The following TACC3 variants were observed in gnomAD, a reference collection of about 807,000 sequenced individuals.
The protein encoded by TACC3 is transforming acidic coiled-coil containing protein 3.
A neutral mutation model predicts 86.0 loss-of-function variants in TACC3; 52 were observed. That is an observed-to-expected ratio of 0.60 (90% CI 0.48 to 0.76). The LOEUF (loss-of-function observed/expected upper bound fraction) is 0.76, where lower values mean the gene tolerates loss of function less well. TACC3 is among the 30% of genes least tolerant of loss of function. The pLI, the probability that TACC3 is intolerant of heterozygous loss-of-function variation, is 0.00. For synonymous variants in TACC3, 512 were observed against 430.0 expected (o/e 1.19, Z -2.36); for missense variants, 1,120 against 1,070.4 (o/e 1.05, Z -0.65).
At chr4:1,732,697 A>G (rs1227691664) in intron 6 of TACC3, among the ~76,000 whole-genome samples, 4 of 152,216 alleles carry the variant, frequency 2.6e-5, no homozygotes, top group Admixed American at 2.0e-4. Flanking sequence ...ACCCTCACGC[A>G]GGATCCCTGG....
Position 1,740,890 on chromosome 4 carries a change from C to CCAA in TACC3, c.2129_2131dup (p.Gln710dup). 1 of 1,613,118 alleles carries CCAA rather than the reference C, an allele frequency of 6.2e-7. No homozygotes were observed. The highest frequency in any genetic ancestry group is 8.5e-7 in the Non-Finnish European group (1 of 1,179,756). On this transcript the variant is annotated inframe_insertion, in exon 13 of 16. Transcript: ENST00000313288. ...TCCAGAAAGTTCTAAAAGAAAAAGA[C>CCAA]CAACTTACCACAGATCTGAACTCCA...
intron 3 of TACC3, among the ~76,000 whole-genome samples, chr4:1,724,829 A>G (rs1026956718): frequency 2.0e-5 from 3 of 151,512 alleles, no homozygotes; most frequent in Admixed American, 6.6e-5. Flanking sequence ...TGGTGCCATC[A>G]CAGCTCACTG....
intron 3 of TACC3, 147 bp from the exon 4 acceptor site, chr4:1,727,560 TG>T (rs534867729): frequency 4.2e-5 from 53 of 1,276,704 alleles, no homozygotes; most frequent in African/African-American, 4.0e-4. Context: ...GGAACTGAGG[TG>T]GGGGGTGGAG....
Position 1,728,485 on chromosome 4 carries a change from C to A in TACC3, c.1083C>A (p.Ser361=). 1 of 1,613,966 alleles carries A rather than the reference C, an allele frequency of 6.2e-7. No homozygotes were observed. The highest frequency in any genetic ancestry group is 8.5e-7 in the Non-Finnish European group (1 of 1,180,002). Residue 361 remains serine (S), a synonymous_variant, in exon 4 of 16, where the codon TCC becomes TCA. Coordinates refer to ENST00000313288, the MANE Select transcript of TACC3 (RefSeq NM_006342.3). The part of the protein sequence containing the change: ...APPPRRLGER[S]GLKPPLRKAA... ...CACCAAGGAGACTGGGAGAGAGGTC[C>A]GGCCTCAAGCCTCCCTTGAGGAAAG...
chr4:1,724,655 C>G (rs533289275), intron 3 of TACC3, among the ~76,000 whole-genome samples: 1 of 152,224 alleles, frequency 6.6e-6, no homozygotes, highest in South Asian at 2.1e-4. Context: ...GCTCTTTACT[C>G]TGCGGCTGAA....
chr4:1,725,546 C>T (rs1384668577), intron 3 of TACC3, among the ~76,000 whole-genome samples: 2 of 152,204 alleles, frequency 1.3e-5, no homozygotes, highest in Non-Finnish European at 2.9e-5. Flanking sequence ...GCAGAGAAGT[C>T]GCCTCCCAGC....
At chr4:1,724,927 A>ATT (rs56412328) in intron 3 of TACC3, among the ~76,000 whole-genome samples, 71,658 of 110,196 alleles carry the variant, frequency 0.65, 25,997 homozygotes, top group East Asian at 0.83. Context: ...TGCCCGGCCA[A>ATT]TTTTTTTTTT....
At position 1,735,174 on chromosome 4, in the gene TACC3, G is replaced by A. The variant is rs866889811; in HGVS notation, c.1592-99G>A. 6.7e-7 allele frequency: 1 copy of A among 1,502,906 alleles called. No homozygotes were observed. The highest frequency in any genetic ancestry group is 1.7e-4 in the Middle Eastern group (1 of 5,746). 93.1% of individuals were successfully genotyped at this position (1,502,906 alleles called of 1,614,324 possible). The stretch of plus-strand genomic sequence containing the variant: ...CCAAGGGAGGAAATACTGCTGGCTG[G>A]AATGATCCTGCCTCACTGAGTGCTG... On this transcript the variant is annotated intron_variant, in intron 6 of 15. Transcript: ENST00000313288. The surrounding 1 kb of genome is among the most constrained non-coding windows in gnomAD (Gnocchi z 4.2).
chr4:1,740,989 A>T lies in TACC3; in HGVS notation c.2223+3A>T, dbSNP rs779216211. 1 of 1,603,594 alleles carries T rather than the reference A, an allele frequency of 6.2e-7. No homozygotes were observed. Among genetic ancestry groups the T allele is most frequent in the Non-Finnish European group, 8.5e-7 (1 of 1,176,860 alleles). On this transcript the variant is annotated splice_donor_region_variant and intron_variant, in intron 13 of 15. Transcript: ENST00000313288. ...AGGTGATCGAGGGCTACCGCAAGGT[A>T]TGTCTCCGCCACCCTGGTGTCCTCA...
At chr4:1,736,266 T>G (rs2108705643) in intron 8 of TACC3, among the ~76,000 whole-genome samples, 1 of 150,902 alleles carries the variant, frequency 6.6e-6, no homozygotes, top group African/African-American at 2.4e-5. Context: ...TCTACTAAAA[T>G]ACAAAAATTA....
chr4:1,732,670 G>A (rs1444446887), intron 6 of TACC3, among the ~76,000 whole-genome samples: 1 of 152,242 alleles, frequency 6.6e-6, no homozygotes, highest in African/African-American at 2.4e-5. Context: ...TATCAGCTCA[G>A]CTGGGATGGG....
In TACC3 at chr4:1,728,113, G is replaced by A; in HGVS notation, c.711G>A (p.Arg237=). The A allele has an allele frequency of 3.1e-6, 5 of 1,612,246 alleles. No homozygotes were observed. The highest frequency in any genetic ancestry group is 4.2e-6 in the Non-Finnish European group (5 of 1,179,712). ...CGCACGGAGCCGAGGAGGAATGCCG[G>A]CACGGTGGGGTCTGTGCTCCCGCAG... The part of the protein sequence containing the change: ...ETPHGAEEEC[R]HGGVCAPAAV... The change falls in exon 4 of 16, where the codon CGG becomes CGA. Residue 237 remains arginine (R), a synonymous_variant. Coordinates refer to ENST00000313288, the MANE Select transcript of TACC3 (RefSeq NM_006342.3).
In TACC3 at chr4:1,740,882, G is replaced by C; in HGVS notation, c.2119G>C (p.Glu707Gln). Residue 707 changes from glutamate to glutamine, a missense_variant, in exon 13 of 16, where the codon GAA becomes CAA. Coordinates refer to ENST00000313288, the MANE Select transcript of TACC3 (RefSeq NM_006342.3). ...SKAEIQKVLK[E>Q]KDQLTTDLNS... ...AGCTGAAATCCAGAAAGTTCTAAAA[G>C]AAAAAGACCAACTTACCACAGATCT... The C allele has an allele frequency of 6.2e-7, 1 of 1,612,978 alleles. No homozygotes were observed. Among genetic ancestry groups the C allele is most frequent in the Non-Finnish European group, 8.5e-7 (1 of 1,179,782 alleles).
At chr4:1,737,464 C>T in intron 9 of TACC3, 134 bp from the exon 10 acceptor site, 1 of 1,107,350 alleles carries the variant, frequency 9.0e-7, no homozygotes, top group East Asian at 2.5e-5. Flanking sequence ...GTGCTGTTCC[C>T]TCGCCGCACT....
At position 1,728,327 on chromosome 4, in the gene TACC3, G is replaced by T; in HGVS notation, c.925G>T (p.Val309Leu). 1.2e-6 allele frequency: 2 copies of T among 1,613,044 alleles called. No homozygotes were observed. The highest frequency in any genetic ancestry group is 1.7e-6 in the Non-Finnish European group (2 of 1,180,032). Residue 309 changes from valine (V) to leucine (L), a missense_variant, in exon 4 of 16, where the codon GTG becomes TTG. By Grantham distance (32) the Val-to-Leu change is conservative (BLOSUM62 1). Coordinates refer to ENST00000313288, the MANE Select transcript of TACC3 (RefSeq NM_006342.3). ...PESTAPTNHL[V>L]AGRAMTLSPQ... ...GAGCACAGCCCCAACCAACCACCTGGTGGCTGGCAGGGCCATGACCCTGAG... is the reference window on the plus strand; with the variant it reads ...GAGCACAGCCCCAACCAACCACCTGTTGGCTGGCAGGGCCATGACCCTGAG...
At chr4:1,741,086 G>A (rs187250853) in intron 13 of TACC3, 100 bp downstream of exon 13, 546 of 1,250,974 alleles carry the variant, frequency 4.4e-4, no homozygotes, top group Non-Finnish European at 5.7e-4. Context: ...CTTGGTCCTT[G>A]GCCAAGCCTC....
In TACC3 at chr4:1,739,726, C is replaced by T. The variant is rs371315827; in HGVS notation, c.1966C>T (p.Arg656Trp). The part of the protein sequence containing the change: ...AVVKATQEEN[R>W]ELRSRCEELH... Reference sequence around the variant, plus strand: ...GGTAAAGGCGACACAGGAGGAGAACCGGGAGCTGAGGAGCAGGTGTGAGGA... The same window carrying T: ...GGTAAAGGCGACACAGGAGGAGAACTGGGAGCTGAGGAGCAGGTGTGAGGA... Residue 656 changes from arginine to tryptophan, a missense_variant, in exon 11 of 16, where the codon CGG becomes TGG. Coordinates refer to ENST00000313288, the MANE Select transcript of TACC3 (RefSeq NM_006342.3). The T allele has an allele frequency of 1.8e-5, 29 of 1,586,786 alleles. No individual in the cohort carries two copies. Among genetic ancestry groups the T allele is most frequent in the Non-Finnish European group, 2.3e-5 (27 of 1,167,810 alleles).
chr4:1,735,350 G>A lies in TACC3; in HGVS notation c.1644+25G>A. On this transcript the variant is annotated intron_variant, in intron 7 of 15. Transcript: ENST00000313288. This position sits in a 1 kb window ranked among gnomAD's most constrained non-coding sequence, Gnocchi z 4.2. ...GGTAGGTACCAGGCAATTCCGCGAA[G>A]CCTCACCCACAGGGTGTCCGAGAGC... The A allele has an allele frequency of 6.2e-7, 1 of 1,613,752 alleles. No homozygotes were observed. Among genetic ancestry groups the A allele is most frequent in the South Asian group, 1.1e-5 (1 of 91,078 alleles).
intron 5 of TACC3, 40 bp from the exon 6 acceptor site, chr4:1,731,132 T>C (rs1717987445): frequency 5.6e-6 from 9 of 1,608,902 alleles, no homozygotes; most frequent in Non-Finnish European, 7.6e-6. Flanking sequence ...CCCAAGTACC[T>C]TGACTGCACT....
Sources: allele counts gnomAD v4.1 joint callset (sites outside exome capture counted in the v4.1 genomes callset), GRCh38; gene constraint gnomAD v4.1.1; non-coding constraint Gnocchi (gnomAD v3.1); transcripts MANE v1.5; gene names NCBI Gene and HGNC (gene_info 2026-07-23, HGNC 2026-07-21).